ZNF277: variants seen among roughly 807,000 people sequenced by gnomAD.
ZNF277 encodes the protein zinc finger protein 277, also known as nuclear receptor-interacting factor 4.
In ZNF277, 55 loss-of-function variants were observed where a neutral mutation model predicts 60.7. The observed-to-expected ratio is 0.91, with a 90% CI of 0.73 to 1.13. The LOEUF (loss-of-function observed/expected upper bound fraction) is 1.13. Among genes scored for constraint, ZNF277 ranks in the 50% most tolerant of loss-of-function variants. ZNF277 has a pLI of 0.00. For missense variants in ZNF277, 510 were observed against 523.0 expected, an observed-to-expected ratio of 0.98 and a Z score of 0.24; for synonymous variants, 178 against 179.3, an observed-to-expected ratio of 0.99 and a Z score of 0.06.
rs756693470 is a variant in ZNF277 at position 112,330,161 on chromosome 7, G to C, written c.746G>C (p.Arg249Pro). ...GATCACATGAGGAAAAAACAGCATCGTAAGATTAATCCTAAGAACAGAGAA... is the reference window on the plus strand; with the variant it reads ...GATCACATGAGGAAAAAACAGCATCCTAAGATTAATCCTAAGAACAGAGAA... The part of the protein sequence containing the change: ...LKDHMRKKQH[R>P]KINPKNREYD... The change falls in exon 7 of 12, where the codon CGT (arginine) becomes CCT (proline). Residue 249 changes from arginine (R) to proline (P), a missense_variant. By Grantham distance (103) the Arg-to-Pro change is moderately radical (BLOSUM62 -2). Coordinates refer to ENST00000361822, the MANE Select transcript of ZNF277 (RefSeq NM_021994.3). 1 of 1,612,916 alleles carries C rather than the reference G, an allele frequency of 6.2e-7. No individual in the cohort carries two copies. Among genetic ancestry groups the C allele is most frequent in the Non-Finnish European group, 8.5e-7 (1 of 1,179,616 alleles).
intron 4 of ZNF277, among the ~76,000 whole-genome samples, chr7:112,303,176 C>A (rs1792517271): frequency 6.6e-6 from 1 of 151,982 alleles, no homozygotes. Flanking sequence ...ATCTCAAACT[C>A]CTGACCTCAA....
At chr7:112,211,999 T>C (rs1821761182) in intron 1 of ZNF277, among the ~76,000 whole-genome samples, 1 of 152,170 alleles carries the variant, frequency 6.6e-6, no homozygotes, top group East Asian at 1.9e-4. Flanking sequence ...GGAACTGAAG[T>C]AGAATAAAAA....
At chr7:112,250,331 G>A (rs1486733566) in intron 1 of ZNF277, among the ~76,000 whole-genome samples, 1 of 152,170 alleles carries the variant, frequency 6.6e-6, no homozygotes, top group East Asian at 1.9e-4. Flanking sequence ...TGACAGTGGT[G>A]CCCGGAACTT....
chr7:112,247,781 A>T (rs1365603880), intron 1 of ZNF277, among the ~76,000 whole-genome samples: 2 of 152,072 alleles, frequency 1.3e-5, no homozygotes, highest in Non-Finnish European at 2.9e-5. Context: ...CAGCCTGGCC[A>T]ATGTGGTGAG....
chr7:112,318,256 A>T lies in ZNF277; in HGVS notation c.540A>T (p.Glu180Asp). 1 of 1,613,234 alleles carries T rather than the reference A, an allele frequency of 6.2e-7. No individual in the cohort carries two copies. The highest frequency in any genetic ancestry group is 8.5e-7 in the Non-Finnish European group (1 of 1,179,298). The change falls in exon 5 of 12, where the codon GAA (glutamate) becomes GAT (aspartate). Residue 180 changes from glutamate to aspartate, a missense_variant. By Grantham distance (45) the Glu-to-Asp change is conservative (BLOSUM62 2). Transcript: ENST00000361822. ...NFHGVCMFCN[E>D]EFLGNRSVIL... is the part of the protein sequence containing the mutation. The stretch of plus-strand genomic sequence containing the variant: ...ATGGCGTTTGTATGTTTTGCAATGA[A>T]GAATTCCTTGGAAACAGGTTTGCCA...
intron 1 of ZNF277, among the ~76,000 whole-genome samples, chr7:112,230,880 C>T (rs563298197): frequency 2.6e-5 from 4 of 152,248 alleles, no homozygotes; most frequent in African/African-American, 9.6e-5. Flanking sequence ...GACCTCACCT[C>T]ATTTAGGATT....
At chr7:112,282,766 T>A (rs1386953343) in intron 1 of ZNF277, among the ~76,000 whole-genome samples, 1 of 152,256 alleles carries the variant, frequency 6.6e-6, no homozygotes, top group Non-Finnish European at 1.5e-5. Flanking sequence ...TAAACTCTTA[T>A]GTATTAGTTA....
chr7:112,237,177 A>G (rs976100309), intron 1 of ZNF277, among the ~76,000 whole-genome samples: 1 of 152,164 alleles, frequency 6.6e-6, no homozygotes, highest in Non-Finnish European at 1.5e-5. Context: ...TTTTGAAACA[A>G]ATGAAAATGA....
chr7:112,218,258 A>C (rs1230480675), intron 1 of ZNF277, among the ~76,000 whole-genome samples: 1 of 152,234 alleles, frequency 6.6e-6, no homozygotes, highest in Non-Finnish European at 1.5e-5. Context: ...GGAGGGGGAA[A>C]GTTAAGTCAG....
intron 4 of ZNF277, 25 bp from the exon 5 acceptor site, chr7:112,318,157 C>T: frequency 1.3e-6 from 2 of 1,584,104 alleles, no homozygotes; most frequent in Non-Finnish European, 1.7e-6. Context: ...TAAGATAATA[C>T]CATAAATCTG....
At chr7:112,321,801 A>C (rs1792988772) in intron 5 of ZNF277, among the ~76,000 whole-genome samples, 1 of 152,080 alleles carries the variant, frequency 6.6e-6, no homozygotes, top group Admixed American at 6.6e-5. Flanking sequence ...TTTGAATATG[A>C]CATTCTACTG....
In ZNF277 at chr7:112,272,988, T is replaced by C. The variant is rs939072843; in HGVS notation, c.92-13885T>C. Among the ~76,000 whole-genome samples, 6 of 152,322 alleles carry C rather than the reference T, an allele frequency of 3.9e-5. No homozygotes were observed. The South Asian group carries it at 1.2e-3, about 32-fold the overall frequency. On this transcript the variant is annotated intron_variant, in intron 1 of 11. Coordinates refer to ENST00000361822, the MANE Select transcript of ZNF277 (RefSeq NM_021994.3). ...ATTGTAGTTTTGATTTGCATTTCTC[T>C]GATTATCAGTGATGTTGAGCAACTT...
At chr7:112,208,971 G>T (rs1022201883) in intron 1 of ZNF277, among the ~76,000 whole-genome samples, 1 of 152,054 alleles carries the variant, frequency 6.6e-6, no homozygotes, top group African/African-American at 2.4e-5. Flanking sequence ...AAGCCACCGC[G>T]CCCGGCCTAT....
At chr7:112,302,925 ATCTT>A (rs1251493508) in intron 4 of ZNF277, among the ~76,000 whole-genome samples, 1 of 148,612 alleles carries the variant, frequency 6.7e-6, no homozygotes, top group Non-Finnish European at 1.5e-5. Flanking sequence ...ATCACATTTG[ATCTT>A]TCTTTCTGAG....
intron 1 of ZNF277, among the ~76,000 whole-genome samples, chr7:112,252,767 C>T (rs1791227518): frequency 6.6e-6 from 1 of 152,156 alleles, no homozygotes; most frequent in Admixed American, 6.5e-5. Flanking sequence ...GCGGTGACAA[C>T]ATATGGTGAA....
chr7:112,234,963 A>G (rs1822447329), intron 1 of ZNF277, among the ~76,000 whole-genome samples: 1 of 151,896 alleles, frequency 6.6e-6, no homozygotes, highest in Admixed American at 6.6e-5. Context: ...TTATATAGTA[A>G]GGAAATAATT....
chr7:112,242,346 A>G (rs991996280), intron 1 of ZNF277, among the ~76,000 whole-genome samples: 3 of 152,078 alleles, frequency 2.0e-5, no homozygotes, highest in African/African-American at 7.2e-5. Flanking sequence ...AAGAAATGGA[A>G]CAAGTATCCC....
intron 1 of ZNF277, among the ~76,000 whole-genome samples, chr7:112,231,286 A>G (rs1822322234): frequency 6.6e-6 from 1 of 152,188 alleles, no homozygotes; most frequent in African/African-American, 2.4e-5. Flanking sequence ...AAACTCTTAA[A>G]ATGTCAGTGT....
At chr7:112,263,493 A>G (rs1791479572) in intron 1 of ZNF277, among the ~76,000 whole-genome samples, 1 of 152,218 alleles carries the variant, frequency 6.6e-6, no homozygotes, top group African/African-American at 2.4e-5. Context: ...CATGATGCCT[A>G]ATAGAAACAG....
Sources: allele counts gnomAD v4.1 joint callset (sites outside exome capture counted in the v4.1 genomes callset), GRCh38; gene constraint gnomAD v4.1.1; transcripts MANE v1.5; gene names NCBI Gene and HGNC (gene_info 2026-07-23, HGNC 2026-07-21).